The following ANO2 variants were observed in gnomAD, a reference collection of about 807,000 sequenced individuals.
ANO2 encodes anoctamin-2.
ANO2 carries 101 observed loss-of-function variants against 124.2 expected under a neutral mutation model. The observed-to-expected ratio is 0.81, with a 90% CI of 0.69 to 0.96. The LOEUF is 0.96. Ranked by LOEUF, ANO2 falls within the 40% of genes least tolerant of loss-of-function variation. The pLI is 0.00. For missense variants in ANO2, 1,293 were observed against 1,274.5 expected, an observed-to-expected ratio of 1.01 and a Z score of -0.22; for synonymous variants, 486 against 482.5, an observed-to-expected ratio of 1.01 and a Z score of -0.09.
chr12:5,829,779 C>T (rs1367529754), intron 6 of ANO2, among the ~76,000 whole-genome samples: 1 of 152,154 alleles, frequency 6.6e-6, no homozygotes, highest in Non-Finnish European at 1.5e-5. Context: ...CACAGAAACA[C>T]AGGCCATATG....
chr12:5,827,500 G>A lies in ANO2; in HGVS notation c.892+269C>T, dbSNP rs1224832651. 3.9e-5 allele frequency among the ~76,000 whole-genome samples: 6 copies of A among 152,186 alleles called. No individual in the cohort carries two copies. The East Asian group carries it at 1.2e-3, about 29-fold the overall frequency. On this transcript the variant is annotated intron_variant, in intron 7 of 24. Transcript: ENST00000682330. The stretch of plus-strand genomic sequence containing the variant: ...TCCGGATAAAGTGGCAGGTGTGGGC[G>A]GTACAGGGAAAAGAGAAAGAGAAAG...
At chr12:5,798,447 G>A (rs1037819098) in intron 10 of ANO2, among the ~76,000 whole-genome samples, 1 of 152,132 alleles carries the variant, frequency 6.6e-6, no homozygotes. Flanking sequence ...CCAAGCAGAA[G>A]CTGGAATTCC....
chr12:5,846,190 C>A (rs1377501412), intron 4 of ANO2, among the ~76,000 whole-genome samples: 1 of 152,170 alleles, frequency 6.6e-6, no homozygotes, highest in East Asian at 1.9e-4. Context: ...GAAAATAATT[C>A]TTGAGTGGAG....
chr12:5,732,401 C>G (rs891374817), intron 14 of ANO2, 119 bp downstream of exon 14: 14 of 753,938 alleles, frequency 1.9e-5, no homozygotes, highest in Non-Finnish European at 2.8e-5. Flanking sequence ...CTCATCTCAT[C>G]CTGCCCCACA....
chr12:5,614,264 C>A (rs1228381835), intron 17 of ANO2, among the ~76,000 whole-genome samples: 1 of 152,124 alleles, frequency 6.6e-6, no homozygotes, highest in Non-Finnish European at 1.5e-5. Flanking sequence ...TTGGAATTTC[C>A]CTCCATAGGA....
At chr12:5,572,995 CCA>C (rs1307669155) in intron 23 of ANO2, among the ~76,000 whole-genome samples, 3 of 152,102 alleles carry the variant, frequency 2.0e-5, no homozygotes, top group Admixed American at 1.3e-4. Flanking sequence ...TCAATCTGAT[CCA>C]CACATATTCA....
At chr12:5,622,783 G>A (rs1225750775) in intron 16 of ANO2, among the ~76,000 whole-genome samples, 1 of 152,000 alleles carries the variant, frequency 6.6e-6, no homozygotes. Flanking sequence ...GGCAAACATG[G>A]CAAAACTCTG....
chr12:5,707,547 A>G (rs55648838), intron 14 of ANO2, among the ~76,000 whole-genome samples: 2,091 of 152,320 alleles, frequency 0.014, 49 homozygotes, highest in African/African-American at 0.046. Flanking sequence ...TGGTGCATTT[A>G]GAAAGCATCA....
intron 10 of ANO2, among the ~76,000 whole-genome samples, chr12:5,776,330 A>G (rs1056102465): frequency 6.6e-6 from 1 of 152,220 alleles, no homozygotes; most frequent in African/African-American, 2.4e-5. Flanking sequence ...GGAGACTTAC[A>G]CCAGGTCTTC....
intron 20 of ANO2, among the ~76,000 whole-genome samples, chr12:5,579,768 A>G (rs1174980291): frequency 6.6e-6 from 1 of 152,140 alleles, no homozygotes; most frequent in Non-Finnish European, 1.5e-5. Flanking sequence ...GCATCTCCCC[A>G]GCAACGACCA....
chr12:5,807,245 C>T, intron 8 of ANO2, 68 bp downstream of exon 8: 21 of 1,395,074 alleles, frequency 1.5e-5, no homozygotes, highest in Non-Finnish European at 2.1e-5. Context: ...ATCTCACTGC[C>T]ACTGAAAAGT....
intron 4 of ANO2, among the ~76,000 whole-genome samples, chr12:5,847,157 G>A (rs1194938488): frequency 5.9e-5 from 9 of 152,298 alleles, no homozygotes; most frequent in Non-Finnish European, 4.4e-5. Flanking sequence ...TCAGTTGAAG[G>A]CCGGAATAGA....
chr12:5,753,013 A>C (rs1482141888), intron 10 of ANO2, among the ~76,000 whole-genome samples: 2 of 152,246 alleles, frequency 1.3e-5, no homozygotes, highest in African/African-American at 4.8e-5. Context: ...CTCCATGAAC[A>C]CAAGGTATAC....
At chr12:5,737,763 C>T (rs1182603557) in intron 13 of ANO2, among the ~76,000 whole-genome samples, 5 of 152,132 alleles carry the variant, frequency 3.3e-5, no homozygotes, top group African/African-American at 7.2e-5. Flanking sequence ...ACTAGATCAC[C>T]CACATTCAAA....
chr12:5,922,825 G>A (rs777095597), intron 1 of ANO2, 21 bp from the exon 2 acceptor site: 1 of 1,475,364 alleles, frequency 6.8e-7, no homozygotes, highest in Non-Finnish European at 9.0e-7. Context: ...GAAAGACAAG[G>A]GAGGCAAAAC....
At chr12:5,823,437 A>C (rs1430840587) in intron 7 of ANO2, among the ~76,000 whole-genome samples, 1 of 152,236 alleles carries the variant, frequency 6.6e-6, no homozygotes, top group Non-Finnish European at 1.5e-5. Flanking sequence ...AAGGGGTTAC[A>C]GGGCCAATGC....
At chr12:5,626,691 G>A (rs1442157883) in intron 16 of ANO2, among the ~76,000 whole-genome samples, 1 of 152,208 alleles carries the variant, frequency 6.6e-6, no homozygotes, top group Non-Finnish European at 1.5e-5. Flanking sequence ...CAGCAGTGAA[G>A]AGACAAGGAG....
At chr12:5,866,419 G>A (rs1405565837) in intron 3 of ANO2, among the ~76,000 whole-genome samples, 1 of 152,180 alleles carries the variant, frequency 6.6e-6, no homozygotes, top group Non-Finnish European at 1.5e-5. Context: ...CTGATCACAC[G>A]AGCTTATAAA....
chr12:5,625,619 C>T (rs1443560889), intron 16 of ANO2, among the ~76,000 whole-genome samples: 8 of 152,112 alleles, frequency 5.3e-5, no homozygotes, highest in African/African-American at 7.2e-5. Flanking sequence ...CCCAAAACCC[C>T]CAAACCCCAG....
Sources: allele counts gnomAD v4.1 joint callset (sites outside exome capture counted in the v4.1 genomes callset), GRCh38; gene constraint gnomAD v4.1.1; transcripts MANE v1.5; gene names NCBI Gene and HGNC (gene_info 2026-07-23, HGNC 2026-07-21).